The following DNAH7 variants were observed in gnomAD, a reference collection of about 807,000 sequenced individuals.
DNAH7 encodes the protein dynein axonemal heavy chain 7, also known as axonemal beta dynein heavy chain 7.
In DNAH7, 397 loss-of-function variants were observed where a neutral mutation model predicts 444.6. The observed-to-expected ratio is 0.89, with a 90% confidence interval of 0.82 to 0.97. The LOEUF (loss-of-function observed/expected upper bound fraction) is 0.97, where lower values mean the gene tolerates loss of function less well. Among genes scored for constraint, DNAH7 ranks in the 50% least tolerant of loss-of-function variants. The pLI is 0.00. For synonymous variants in DNAH7, 1,636 were observed against 1,624.4 expected, an observed-to-expected ratio of 1.01 and a Z score of -0.17; for missense variants, 4,902 against 4,800.8, an observed-to-expected ratio of 1.02 and a Z score of -0.62.
chr2:195,991,141 T>G (rs1038277550), intron 12 of DNAH7, among the ~76,000 whole-genome samples: 2 of 151,850 alleles, frequency 1.3e-5, no homozygotes, highest in Non-Finnish European at 2.9e-5. Flanking sequence ...TCTGGCTGTT[T>G]TTTACATTAC....
At chr2:195,819,482 C>G (rs1697363443) in intron 49 of DNAH7, among the ~76,000 whole-genome samples, 1 of 152,106 alleles carries the variant, frequency 6.6e-6, no homozygotes, top group Non-Finnish European at 1.5e-5. Context: ...AAATTTTAGT[C>G]ACTTGATGAT....
intron 48 of DNAH7, 114 bp from the exon 49 acceptor site, chr2:195,824,559 C>T (rs968547478): frequency 2.3e-6 from 2 of 876,374 alleles, no homozygotes; most frequent in African/African-American, 3.4e-5. Flanking sequence ...TTCCTAGATA[C>T]CTACAAAATT....
At chr2:195,863,330 A>G (rs1311397748) in intron 41 of DNAH7, among the ~76,000 whole-genome samples, 2 of 152,230 alleles carry the variant, frequency 1.3e-5, no homozygotes, top group African/African-American at 4.8e-5. Flanking sequence ...ACGGGATCTC[A>G]GTCACAGCCC....
intron 24 of DNAH7, among the ~76,000 whole-genome samples, chr2:195,919,587 C>T (rs1172735883): frequency 6.6e-6 from 1 of 152,144 alleles, no homozygotes; most frequent in Admixed American, 6.5e-5. Context: ...TCAAATGATC[C>T]ATCCACCTCA....
At chr2:196,047,812 C>A (rs1697232033) in intron 4 of DNAH7, among the ~76,000 whole-genome samples, 1 of 151,204 alleles carries the variant, frequency 6.6e-6, no homozygotes, top group South Asian at 2.1e-4. Context: ...AAACAGGATA[C>A]AAAACTATTT....
chr2:195,923,589 A>G lies in DNAH7; in HGVS notation c.3825+6T>C. 1.2e-6 allele frequency: 2 copies of G among 1,613,540 alleles called. No individual in the cohort carries two copies. The highest frequency in any genetic ancestry group is 4.5e-5 in the East Asian group (2 of 44,856). ...GTGTAATATAACATTCAGTGATACC[A>G]CTTACTTGCCAGTAGTACCTAAGCT... On this transcript the variant is annotated splice_donor_region_variant and intron_variant, in intron 23 of 64. Transcript: ENST00000312428.
chr2:195,931,236 T>G (rs1042531442), intron 21 of DNAH7, among the ~76,000 whole-genome samples: 1 of 152,012 alleles, frequency 6.6e-6, no homozygotes, highest in Non-Finnish European at 1.5e-5. Flanking sequence ...TTTTGAGAAG[T>G]GTCTGTTCAT....
intron 63 of DNAH7, among the ~76,000 whole-genome samples, chr2:195,749,073 C>T (rs538433230): frequency 0.01 from 1,589 of 151,772 alleles, 35 homozygotes; most frequent in East Asian, 0.07. Context: ...AGAAAATTTT[C>T]GCAACCTACT....
At chr2:195,974,627 C>T (rs939244325) in intron 15 of DNAH7, among the ~76,000 whole-genome samples, 1 of 151,956 alleles carries the variant, frequency 6.6e-6, no homozygotes, top group Non-Finnish European at 1.5e-5. Flanking sequence ...CTTTAATGAA[C>T]AGGAATTTAC....
At position 196,026,813 on chromosome 2, in the gene DNAH7, G is replaced by T. The variant is rs557548192; in HGVS notation, c.614C>A (p.Thr205Lys). 2 of 1,612,442 alleles carry T rather than the reference G, an allele frequency of 1.2e-6. No homozygotes were observed. Among genetic ancestry groups the T allele is most frequent in the Non-Finnish European group, 1.7e-6 (2 of 1,178,970 alleles). Residue 205 changes from threonine (T) to lysine (K), a missense_variant, in exon 7 of 65, where the codon ACA becomes AAA. Transcript: ENST00000312428. Reference protein sequence around the residue: ...HLKVFTDSIVTLSDEMREDYL... With the variant: ...HLKVFTDSIVKLSDEMREDYL... ...ATCCTCTCTCATTTCATCAGATAAT[G>T]TAACTATGCTGTCAGTGAAGACTTT...
intron 54 of DNAH7, among the ~76,000 whole-genome samples, chr2:195,799,957 T>C (rs944862574): frequency 5.9e-5 from 9 of 152,208 alleles, no homozygotes; most frequent in Non-Finnish European, 1.0e-4. Flanking sequence ...AAAACTATGT[T>C]GTGTAGAATT....
intron 63 of DNAH7, among the ~76,000 whole-genome samples, chr2:195,747,485 T>A (rs930660768): frequency 6.6e-6 from 1 of 152,204 alleles, no homozygotes; most frequent in African/African-American, 2.4e-5. Flanking sequence ...CTAACTCATT[T>A]TATGAGGCCA....
chr2:195,998,564 C>CAA (rs539748720), intron 12 of DNAH7, among the ~76,000 whole-genome samples: 38 of 96,948 alleles, frequency 3.9e-4, no homozygotes, highest in African/African-American at 9.5e-4. Context: ...GACTCCAACT[C>CAA]AAAAAAAAAA....
At chr2:195,989,506 G>C (rs1693157296) in intron 12 of DNAH7, among the ~76,000 whole-genome samples, 1 of 152,098 alleles carries the variant, frequency 6.6e-6, no homozygotes, top group African/African-American at 2.4e-5. Flanking sequence ...TAAATGTCTT[G>C]TCAGGTTTTC....
intron 63 of DNAH7, among the ~76,000 whole-genome samples, chr2:195,746,589 G>C (rs1465424644): frequency 2.0e-5 from 3 of 152,100 alleles, no homozygotes; most frequent in South Asian, 2.1e-4. Flanking sequence ...TGACCACATA[G>C]TTGGAAGTAA....
chr2:195,952,954 C>T (rs111631083), intron 19 of DNAH7, among the ~76,000 whole-genome samples: 118 of 152,258 alleles, frequency 7.7e-4, no homozygotes, highest in African/African-American at 2.5e-3. Context: ...AACTCATTCT[C>T]GGTCCAGTGT....
At chr2:195,822,469 G>A (rs927340385) in intron 49 of DNAH7, among the ~76,000 whole-genome samples, 1 of 152,098 alleles carries the variant, frequency 6.6e-6, no homozygotes, top group Non-Finnish European at 1.5e-5. Context: ...ATACCAGCAC[G>A]ACACCATCCC....
chr2:195,983,180 A>G (rs1302902060), intron 15 of DNAH7, among the ~76,000 whole-genome samples: 1 of 152,202 alleles, frequency 6.6e-6, no homozygotes, highest in Non-Finnish European at 1.5e-5. Flanking sequence ...ATACCACAAA[A>G]ACTTAATGTT....
chr2:196,044,236 C>T (rs1696959504), intron 5 of DNAH7, among the ~76,000 whole-genome samples: 4 of 150,702 alleles, frequency 2.7e-5, no homozygotes, highest in Admixed American at 2.6e-4. Flanking sequence ...TATACATACA[C>T]ACACACATAC....
Sources: gnomAD v4.1 joint callset for allele counts (sites outside exome capture counted in the v4.1 genomes callset) on GRCh38, gnomAD v4.1.1 for gene constraint, MANE v1.5 for transcripts, NCBI Gene and HGNC (gene_info 2026-07-23, HGNC 2026-07-21) for gene names.